The following THOC2 variants were observed in gnomAD, a reference collection of about 807,000 sequenced individuals.
THOC2 encodes THO complex subunit 2, also known as THO complex 2.
In THOC2, 10 loss-of-function variants were observed where a neutral mutation model predicts 128.4. The observed-to-expected ratio is 0.08, with a 90% CI of 0.05 to 0.13. THOC2 has a LOEUF of 0.13. Among genes scored for constraint, THOC2 ranks in the 10% least tolerant of loss-of-function variants. The pLI is 1.00. For synonymous variants in THOC2, 393 were observed against 396.9 expected, an observed-to-expected ratio of 0.99 and a Z score of 0.12; for missense variants, 535 against 1,155.7, an observed-to-expected ratio of 0.46 and a Z score of 7.79.
At chrX:123,731,568 T>G (rs2148012171) in intron 1 of THOC2, among the ~76,000 whole-genome samples, 1 of 112,350 alleles carries the variant, frequency 8.9e-6, no homozygotes, top group African/African-American at 3.2e-5. Context: ...ACAGGCATTA[T>G]TTAGTCTTCA....
At chrX:123,692,840 T>C (rs1369198216) in intron 7 of THOC2, among the ~76,000 whole-genome samples, 3 of 111,594 alleles carry the variant, frequency 2.7e-5, no homozygotes, top group Non-Finnish European at 5.6e-5. Flanking sequence ...TAAGTAAGGA[T>C]TTATCCTGGT....
chrX:123,713,478 A>G (rs1275869517), intron 1 of THOC2, among the ~76,000 whole-genome samples: 1 of 105,578 alleles, frequency 9.5e-6, no homozygotes, highest in East Asian at 2.9e-4. Flanking sequence ...TGTCTCTACA[A>G]AAAAAAAAAA....
At position 123,675,102 on chromosome X, in the gene THOC2, T is replaced by C. The variant is rs142923329; in HGVS notation, c.769-3341A>G. 8.6e-3 allele frequency among the ~76,000 whole-genome samples: 967 copies of C among 112,512 alleles called. 4 individuals carry two copies. Among genetic ancestry groups the C allele is most frequent in the Non-Finnish European group, 0.014 (767 of 53,282 alleles). On this transcript the variant is annotated intron_variant, in intron 8 of 38. Coordinates refer to ENST00000245838, the MANE Select transcript of THOC2 (RefSeq NM_001081550.2). ...ACAAATGTAATAGTACTGGCTTTTA[T>C]ATTTTACCTAGAGTTACTTTAACCA...
At chrX:123,609,562 C>A (rs1458037767) in intron 38 of THOC2, among the ~76,000 whole-genome samples, 1 of 111,806 alleles carries the variant, frequency 8.9e-6, no homozygotes, top group Admixed American at 9.5e-5. Context: ...GGTAAACAGC[C>A]TTGGTTATCT....
chrX:123,706,776 A>C (rs2050952337), intron 3 of THOC2, 82 bp downstream of exon 3: 1 of 402,349 alleles, frequency 2.5e-6, no homozygotes, highest in African/African-American at 2.6e-5. Flanking sequence ...ATAAAATACA[A>C]GTTATAAACT....
At chrX:123,636,313 C>T in intron 18 of THOC2, 138 bp from the exon 19 acceptor site, 1 of 457,457 alleles carries the variant, frequency 2.2e-6, no homozygotes, top group South Asian at 3.7e-5. Context: ...ATAATAATAA[C>T]AATAACCAAT....
chrX:123,641,183 T>G (rs1306932672), intron 15 of THOC2, among the ~76,000 whole-genome samples: 1 of 112,162 alleles, frequency 8.9e-6, no homozygotes, highest in Non-Finnish European at 1.9e-5. Flanking sequence ...TATTTCTTCC[T>G]TTGCTCATTA....
chrX:123,675,745 G>C (rs1370168960), intron 8 of THOC2, among the ~76,000 whole-genome samples: 2 of 111,932 alleles, frequency 1.8e-5, no homozygotes, highest in East Asian at 5.6e-4. Flanking sequence ...GGTTGATGCT[G>C]CTTATTGTGG....
At chrX:123,728,859 G>A (rs1043621196) in intron 1 of THOC2, among the ~76,000 whole-genome samples, 2 of 111,956 alleles carry the variant, frequency 1.8e-5, no homozygotes, top group Non-Finnish European at 3.8e-5. Context: ...TTCAACAAAC[G>A]TAAGTATTTC....
intron 26 of THOC2, 31 bp from the exon 27 acceptor site, chrX:123,624,222 AAAAATTATGATCCAC>A (rs748554635): frequency 7.0e-6 from 8 of 1,134,812 alleles, no homozygotes; most frequent in Non-Finnish European, 9.4e-6. Flanking sequence ...ACTTTTAAAG[AAAAATTATGATCCAC>A]AAAATAGCAG....
At chrX:123,719,344 ACAC>A (rs2147976200) in intron 1 of THOC2, among the ~76,000 whole-genome samples, 1 of 111,404 alleles carries the variant, frequency 9.0e-6, no homozygotes, top group South Asian at 3.7e-4. Flanking sequence ...ATACCACCTC[ACAC>A]CTGTCAGAAT....
rs1406581789 is a variant in THOC2 at position 123,613,443 on chromosome X, A to G, written c.4633T>C (p.Phe1545Leu). ...SSGKEKGSDS[F>L]KSEKMDKISS... The stretch of plus-strand genomic sequence containing the variant: ...ATTTTATCCATCTTCTCAGATTTAA[A>G]TGAATCACTGCCTTTTTCTTTGCCT... Residue 1545 changes from phenylalanine (F) to leucine (L), a missense_variant, in exon 36 of 39, where the codon TTT becomes CTT. Coordinates refer to ENST00000245838, the MANE Select transcript of THOC2 (RefSeq NM_001081550.2). The G allele has an allele frequency of 8.3e-7, 1 of 1,209,920 alleles. No homozygotes were observed. Among genetic ancestry groups the G allele is most frequent in the Admixed American group, 2.2e-5 (1 of 45,920 alleles).
chrX:123,677,871 CA>C (rs1179685021), intron 8 of THOC2, among the ~76,000 whole-genome samples: 198 of 29,375 alleles, frequency 6.7e-3, no homozygotes, highest in African/African-American at 7.8e-3. Flanking sequence ...AACTCCGTCG[CA>C]AAAAAAAAAA....
At chrX:123,671,164 C>T (rs1420537953) in intron 9 of THOC2, among the ~76,000 whole-genome samples, 1 of 111,207 alleles carries the variant, frequency 9.0e-6, no homozygotes, top group Non-Finnish European at 1.9e-5. Context: ...TTAGTGCACA[C>T]GAATAACACA....
intron 1 of THOC2, among the ~76,000 whole-genome samples, chrX:123,730,655 C>T (rs981388103): frequency 1.3e-4 from 15 of 112,031 alleles, no homozygotes; most frequent in Admixed American, 1.9e-4. Context: ...CACCTTATAG[C>T]CCTAATACCA....
In THOC2 at chrX:123,621,447, T is replaced by C. The variant is rs1442978877; in HGVS notation, c.3926A>G (p.Asn1309Ser). The change falls in exon 31 of 39, where the codon AAT (asparagine) becomes AGT (serine). Residue 1309 changes from asparagine to serine, a missense_variant. This residue lies in a region of THOC2 where 116 missense variants were observed against 180.0 expected (regional missense o/e 0.64). Coordinates refer to ENST00000245838, the MANE Select transcript of THOC2 (RefSeq NM_001081550.2). ...GKEKPKEERP[N>S]KDEKARETKE... ...GGTCTCTCTTGCTTTTTCATCTTTA[T>C]TTGGCCGCTCTTCCTTTGGTTTTTC... 25 of 1,208,633 alleles carry C rather than the reference T, an allele frequency of 2.1e-5. No homozygotes were observed. Among genetic ancestry groups the C allele is most frequent in the Non-Finnish European group, 2.6e-5 (23 of 894,891 alleles).
chrX:123,720,637 A>G (rs72610608), intron 1 of THOC2, among the ~76,000 whole-genome samples: 3,680 of 111,226 alleles, frequency 0.033, 139 homozygotes, highest in East Asian at 0.3. Context: ...ATTATTTACA[A>G]TAGCCTAGAG....
chrX:123,709,081 T>C (rs958380687), intron 2 of THOC2, among the ~76,000 whole-genome samples: 1 of 112,031 alleles, frequency 8.9e-6, no homozygotes, highest in African/African-American at 3.2e-5. Context: ...TATTTAAAAA[T>C]GGTTAGGAAC....
chrX:123,730,950 GAA>G (rs1321500942), intron 1 of THOC2, among the ~76,000 whole-genome samples: 1 of 107,905 alleles, frequency 9.3e-6, no homozygotes, highest in Non-Finnish European at 1.9e-5. Context: ...TCTCAAGGGG[GAA>G]AAAAAAAAGT....
Sources: allele counts gnomAD v4.1 joint callset (sites outside exome capture counted in the v4.1 genomes callset), GRCh38; gene constraint gnomAD v4.1.1; regional missense constraint gnomAD v4.1.1; transcripts MANE v1.5; gene names NCBI Gene and HGNC (gene_info 2026-07-23, HGNC 2026-07-21).